DIAPH3: variants seen among roughly 807,000 people sequenced by gnomAD.
DIAPH3 encodes the protein protein diaphanous homolog 3.
DIAPH3 carries 117 observed loss-of-function variants against 144.3 expected under a neutral mutation model. The observed-to-expected ratio is 0.81, with a 90% CI of 0.70 to 0.95. DIAPH3 has a LOEUF of 0.95. Among genes scored for constraint, DIAPH3 ranks in the 40% least tolerant of loss-of-function variants. The probability of loss-of-function intolerance (pLI) is 0.00; values close to 1 mark genes in which losing one functional copy is unlikely to be tolerated. For missense variants in DIAPH3, 1,421 were observed against 1,412.7 expected (o/e 1.01, Z -0.09); for synonymous variants, 519 against 488.9 (o/e 1.06, Z -0.81).
At chr13:60,112,531 C>G (rs535320380) in intron 2 of DIAPH3, among the ~76,000 whole-genome samples, 1 of 152,148 alleles carries the variant, frequency 6.6e-6, no homozygotes, top group African/African-American at 2.4e-5. Flanking sequence ...AGTGTTGGTC[C>G]CAAACTAGTA....
At chr13:59,796,233 A>T (rs766906291) in intron 25 of DIAPH3, among the ~76,000 whole-genome samples, 17 of 152,154 alleles carry the variant, frequency 1.1e-4, no homozygotes, top group African/African-American at 1.9e-4. Flanking sequence ...GTTGTTATGG[A>T]TAAAGATTTT....
intron 17 of DIAPH3, among the ~76,000 whole-genome samples, chr13:59,925,570 C>A (rs2047714503): frequency 6.6e-6 from 1 of 152,138 alleles, no homozygotes; most frequent in Admixed American, 6.6e-5. Context: ...GGCCTTGTAG[C>A]ATGAGTTAGG....
chr13:59,677,534 T>C (rs1259876509), intron 27 of DIAPH3, among the ~76,000 whole-genome samples: 1 of 152,168 alleles, frequency 6.6e-6, no homozygotes, highest in African/African-American at 2.4e-5. Context: ...TGGCATTTTT[T>C]TGTACTAAGC....
chr13:59,843,124 A>ACAT (rs1221706558), intron 22 of DIAPH3, among the ~76,000 whole-genome samples: 1 of 152,210 alleles, frequency 6.6e-6, no homozygotes, highest in East Asian at 1.9e-4. Context: ...TTTAGTCACT[A>ACAT]CATTAACATA....
At chr13:60,025,826 T>TA (rs925151125) in intron 5 of DIAPH3, among the ~76,000 whole-genome samples, 16 of 150,982 alleles carry the variant, frequency 1.1e-4, no homozygotes, top group East Asian at 3.9e-4. Flanking sequence ...GAGGACAATT[T>TA]AAAAAAAAAC....
chr13:60,025,663 G>T (rs956812203), intron 5 of DIAPH3, among the ~76,000 whole-genome samples: 1 of 152,018 alleles, frequency 6.6e-6, no homozygotes, highest in Non-Finnish European at 1.5e-5. Context: ...GAACTATAAA[G>T]AAATGAATTC....
At chr13:59,889,270 C>T (rs1334423562) in intron 20 of DIAPH3, among the ~76,000 whole-genome samples, 1 of 151,994 alleles carries the variant, frequency 6.6e-6, no homozygotes, top group Non-Finnish European at 1.5e-5. Context: ...GATATCTACC[C>T]AATAATACCT....
chr13:60,079,558 A>G (rs767282033), intron 4 of DIAPH3, among the ~76,000 whole-genome samples: 2 of 151,988 alleles, frequency 1.3e-5, no homozygotes, highest in African/African-American at 2.4e-5. Flanking sequence ...TACATCTCCT[A>G]TAAGTCTAAA....
intron 7 of DIAPH3, among the ~76,000 whole-genome samples, chr13:60,014,717 T>C (rs967425864): frequency 6.6e-6 from 1 of 152,122 alleles, no homozygotes; most frequent in African/African-American, 2.4e-5. Flanking sequence ...CAGATGCTTT[T>C]GCTATAAAAC....
At chr13:60,141,347 T>G (rs1198778407) in intron 1 of DIAPH3, among the ~76,000 whole-genome samples, 3 of 143,322 alleles carry the variant, frequency 2.1e-5, no homozygotes, top group Non-Finnish European at 4.6e-5. Flanking sequence ...GGCCAACATG[T>G]GTGAGACACA....
chr13:60,130,959 C>T (rs911793304), intron 2 of DIAPH3, among the ~76,000 whole-genome samples: 6 of 152,070 alleles, frequency 3.9e-5, no homozygotes, highest in Admixed American at 2.6e-4. Context: ...AATGGCATGC[C>T]GAAGCCACCC....
intron 21 of DIAPH3, among the ~76,000 whole-genome samples, chr13:59,876,358 G>C (rs1259009123): frequency 6.6e-6 from 1 of 152,124 alleles, no homozygotes; most frequent in African/African-American, 2.4e-5. Flanking sequence ...GCTCCTAAGA[G>C]GGATGATCAA....
chr13:59,721,245 C>G (rs1414891241), intron 27 of DIAPH3, among the ~76,000 whole-genome samples: 6 of 152,092 alleles, frequency 3.9e-5, no homozygotes, highest in Non-Finnish European at 7.4e-5. Flanking sequence ...TAGAACAGCT[C>G]AAATGGAATT....
At chr13:59,890,778 T>C (rs2045740828) in intron 20 of DIAPH3, among the ~76,000 whole-genome samples, 1 of 151,976 alleles carries the variant, frequency 6.6e-6, no homozygotes, top group South Asian at 2.1e-4. Flanking sequence ...ATTAATAGTT[T>C]ATGGGGAGCT....
chr13:59,737,806 T>C (rs1196429861), intron 27 of DIAPH3, among the ~76,000 whole-genome samples: 1 of 152,176 alleles, frequency 6.6e-6, no homozygotes, highest in Non-Finnish European at 1.5e-5. Context: ...CAAACTCTTA[T>C]CTTCAAATAC....
At chr13:59,864,783 T>C (rs1294567143) in intron 21 of DIAPH3, among the ~76,000 whole-genome samples, 1 of 152,022 alleles carries the variant, frequency 6.6e-6, no homozygotes, top group Non-Finnish European at 1.5e-5. Flanking sequence ...GGTGCTACCA[T>C]GGGTTGTCTT....
chr13:59,668,187 A>G (rs1346441658), intron 27 of DIAPH3, among the ~76,000 whole-genome samples: 1 of 152,204 alleles, frequency 6.6e-6, no homozygotes. Flanking sequence ...CTTATAATGT[A>G]CATATTGTGT....
At chr13:59,948,450 TTTG>T (rs942154041) in intron 17 of DIAPH3, among the ~76,000 whole-genome samples, 1 of 152,198 alleles carries the variant, frequency 6.6e-6, no homozygotes, top group African/African-American at 2.4e-5. Context: ...ACACTTAGTT[TTTG>T]TTGTTGTTGT....
intron 3 of DIAPH3, among the ~76,000 whole-genome samples, chr13:60,101,360 G>A (rs1463044978): frequency 3.9e-5 from 6 of 152,134 alleles, no homozygotes; most frequent in Non-Finnish European, 7.4e-5. Context: ...CACTTCCACT[G>A]CCATCAACTT....
Sources: gnomAD v4.1 joint callset for allele counts (sites outside exome capture counted in the v4.1 genomes callset) on GRCh38, gnomAD v4.1.1 for gene constraint, MANE v1.5 for transcripts, NCBI Gene and HGNC (gene_info 2026-07-23, HGNC 2026-07-21) for gene names.